SH3GL2: variants seen among roughly 807,000 people sequenced by gnomAD.
SH3GL2 encodes SH3 domain containing GRB2 like 2, endophilin A1.
SH3GL2 carries 24 observed loss-of-function variants against 46.0 expected under a neutral mutation model. That is an observed-to-expected ratio of 0.52 (90% confidence interval 0.38 to 0.73). The LOEUF is 0.73. SH3GL2 is among the 30% of genes least tolerant of loss of function. The pLI is 0.00. For missense variants in SH3GL2, 413 were observed against 424.2 expected (o/e 0.97, Z 0.23); for synonymous variants, 196 against 147.1 (o/e 1.33, Z -2.40).
At chr9:17,745,469 A>T (rs1225574001) in intron 1 of SH3GL2, among the ~76,000 whole-genome samples, 1 of 152,102 alleles carries the variant, frequency 6.6e-6, no homozygotes, top group African/African-American at 2.4e-5. Flanking sequence ...TGTACCTATC[A>T]AGGAATGGAG....
intron 1 of SH3GL2, among the ~76,000 whole-genome samples, chr9:17,737,623 G>C (rs1822379219): frequency 6.6e-6 from 1 of 152,070 alleles, no homozygotes; most frequent in African/African-American, 2.4e-5. Context: ...ATACTCATTA[G>C]GGAAACTTCT....
At chr9:17,665,836 A>G (rs1317495362) in intron 1 of SH3GL2, among the ~76,000 whole-genome samples, 4 of 149,688 alleles carry the variant, frequency 2.7e-5, no homozygotes, top group African/African-American at 9.9e-5. Context: ...GTGAGGGGAA[A>G]ATACACACAA....
intron 1 of SH3GL2, among the ~76,000 whole-genome samples, chr9:17,706,388 G>T (rs908596439): frequency 2.6e-5 from 4 of 151,994 alleles, no homozygotes; most frequent in African/African-American, 9.7e-5. Context: ...TCTCCACATT[G>T]CCTGTGATGC....
chr9:17,776,562 T>C (rs1320530180), intron 3 of SH3GL2, among the ~76,000 whole-genome samples: 1 of 152,142 alleles, frequency 6.6e-6, no homozygotes, highest in Admixed American at 6.6e-5. Context: ...AATACTTGTT[T>C]AGAGAGATTA....
intron 1 of SH3GL2, among the ~76,000 whole-genome samples, chr9:17,584,931 A>G (rs1452856514): frequency 1.3e-5 from 2 of 152,220 alleles, no homozygotes; most frequent in East Asian, 3.8e-4. Flanking sequence ...TTGAGTTTAT[A>G]TGAATTTTGG....
intron 1 of SH3GL2, among the ~76,000 whole-genome samples, chr9:17,685,124 G>GGT (rs1301675410): frequency 6.6e-6 from 1 of 151,964 alleles, no homozygotes; most frequent in African/African-American, 2.4e-5. Flanking sequence ...GGAATGGACA[G>GGT]GTGTGTGTGT....
chr9:17,611,496 C>T (rs779684336), intron 1 of SH3GL2, among the ~76,000 whole-genome samples: 4 of 152,098 alleles, frequency 2.6e-5, no homozygotes, highest in Non-Finnish European at 4.4e-5. Flanking sequence ...AATCAGAGAC[C>T]TTGACTTTCC....
intron 2 of SH3GL2, among the ~76,000 whole-genome samples, chr9:17,758,883 C>G (rs897081030): frequency 1.4e-4 from 21 of 152,100 alleles, no homozygotes; most frequent in African/African-American, 4.3e-4. Context: ...AGACAAGTCA[C>G]AAGGGACACT....
chr9:17,665,425 A>G (rs984102070), intron 1 of SH3GL2, among the ~76,000 whole-genome samples: 1 of 151,992 alleles, frequency 6.6e-6, no homozygotes, highest in African/African-American at 2.4e-5. Flanking sequence ...GATGTTTTTG[A>G]TGAGTACAGG....
At chr9:17,786,158 G>C (rs1386358193) in intron 3 of SH3GL2, among the ~76,000 whole-genome samples, 1 of 152,138 alleles carries the variant, frequency 6.6e-6, no homozygotes, top group Non-Finnish European at 1.5e-5. Context: ...GAACAGAATT[G>C]CTGTAATTCA....
chr9:17,622,979 TCCTTTC>T (rs1819180390), intron 1 of SH3GL2, among the ~76,000 whole-genome samples: 1 of 79,860 alleles, frequency 1.3e-5, no homozygotes, highest in Non-Finnish European at 2.6e-5. Context: ...TCCTTTCGTT[TCCTTTC>T]GTTTCCTTTC....
At chr9:17,672,657 A>G (rs1308198169) in intron 1 of SH3GL2, among the ~76,000 whole-genome samples, 1 of 152,112 alleles carries the variant, frequency 6.6e-6, no homozygotes, top group Non-Finnish European at 1.5e-5. Flanking sequence ...CCCAATACAG[A>G]GGACCTAAGG....
chr9:17,743,569 AACACACAC>A (rs58408701), intron 1 of SH3GL2, among the ~76,000 whole-genome samples: 3 of 143,588 alleles, frequency 2.1e-5, no homozygotes, highest in East Asian at 2.1e-4. Context: ...CTCTTTTGTG[AACACACAC>A]ACACACACAC....
At position 17,612,314 on chromosome 9, in the gene SH3GL2, T is replaced by C. The variant is rs972699514; in HGVS notation, c.45+33027T>C. Among the ~76,000 whole-genome samples the C allele has an allele frequency of 1.3e-4, 20 of 152,300 alleles. No homozygotes were observed. The East Asian group carries it at 3.9e-3, about 29-fold the overall frequency. ...TCTGGTCAGATTTTACAACTTAGAA[T>C]ATGTTTTGAATCCATATATGTGGTA... On this transcript the variant is annotated intron_variant, in intron 1 of 8. Transcript: ENST00000380607.
chr9:17,634,808 A>C (rs1002490744), intron 1 of SH3GL2, among the ~76,000 whole-genome samples: 2 of 152,190 alleles, frequency 1.3e-5, no homozygotes, highest in African/African-American at 2.4e-5. Context: ...TGGGAATTAC[A>C]GAACCACACA....
intron 1 of SH3GL2, among the ~76,000 whole-genome samples, chr9:17,634,674 C>G (rs1819503918): frequency 6.6e-6 from 1 of 152,174 alleles, no homozygotes; most frequent in South Asian, 2.1e-4. Flanking sequence ...CTTCTCTTAA[C>G]CTGTGACTTG....
chr9:17,702,489 A>T (rs1276025577), intron 1 of SH3GL2, among the ~76,000 whole-genome samples: 1 of 152,074 alleles, frequency 6.6e-6, no homozygotes, highest in Non-Finnish European at 1.5e-5. Flanking sequence ...ATTTAAACAG[A>T]TGGAAAAGCA....
At chr9:17,714,151 C>A (rs1252608362) in intron 1 of SH3GL2, among the ~76,000 whole-genome samples, 1 of 151,558 alleles carries the variant, frequency 6.6e-6, no homozygotes, top group South Asian at 2.1e-4. Context: ...AGAAATAGTC[C>A]TTACTATGGT....
intron 7 of SH3GL2, among the ~76,000 whole-genome samples, chr9:17,792,922 G>T (rs912667889): frequency 6.6e-5 from 10 of 152,136 alleles, no homozygotes; most frequent in African/African-American, 1.2e-4. Context: ...TGAAAAAATT[G>T]TGGGTACATA....
Sources: gnomAD v4.1 joint callset for allele counts (sites outside exome capture counted in the v4.1 genomes callset) on GRCh38, gnomAD v4.1.1 for gene constraint, MANE v1.5 for transcripts, NCBI Gene and HGNC (gene_info 2026-07-23, HGNC 2026-07-21) for gene names.